TMEM208: variants seen among roughly 807,000 people sequenced by gnomAD.
The protein encoded by TMEM208 is transmembrane protein 208, also known as SRP-independent targeting 2 homolog.
Under a neutral mutation model 26.4 loss-of-function variants are expected in TMEM208, and 19 were observed. The observed-to-expected ratio is 0.72, with a 90% CI of 0.50 to 1.06. TMEM208 has a LOEUF of 1.06. Among genes scored for constraint, TMEM208 ranks in the 50% least tolerant of loss-of-function variants. The pLI is 0.00. For missense variants in TMEM208, 183 were observed against 219.8 expected (o/e 0.83, Z 1.06); for synonymous variants, 93 against 83.1 (o/e 1.12, Z -0.65).
At chr16:67,227,263 G>T (rs2034055949) in intron 1 of TMEM208, 39 bp downstream of exon 1, 4 of 1,605,396 alleles carry the variant, frequency 2.5e-6, no homozygotes, top group Non-Finnish European at 2.6e-6. Flanking sequence ...CACCAGCAAA[G>T]CTCTCCAGGG....
chr16:67,228,099 G>C, intron 2 of TMEM208, 168 bp downstream of exon 2: 2 of 657,160 alleles, frequency 3.0e-6, no homozygotes, highest in Non-Finnish European at 5.2e-6. Flanking sequence ...AAAACACAAA[G>C]AAAATGAAGG....
chr16:67,227,304 T>G, intron 1 of TMEM208, 80 bp downstream of exon 1: 8 of 1,561,018 alleles, frequency 5.1e-6, no homozygotes, highest in Non-Finnish European at 7.0e-6. Context: ...GAAAGAACAT[T>G]AAGGGATATG....
intron 2 of TMEM208, 193 bp from the exon 3 acceptor site, chr16:67,228,162 C>T: frequency 1.5e-6 from 1 of 685,130 alleles, no homozygotes; most frequent in Non-Finnish European, 2.5e-6. Context: ...TACACAAAGG[C>T]TTCTTTCCTG....
intron 1 of TMEM208, chr16:67,227,582 G>A: frequency 1.8e-6 from 1 of 555,640 alleles, no homozygotes; most frequent in Non-Finnish European, 3.2e-6. Flanking sequence ...GGGATCCAGA[G>A]GCGGTATTAG....
intron 1 of TMEM208, 117 bp from the exon 2 acceptor site, chr16:67,227,719 G>A (rs769862799): frequency 5.8e-5 from 45 of 779,082 alleles, no homozygotes; most frequent in Non-Finnish European, 8.6e-5. Flanking sequence ...ATTTTGCTAG[G>A]TTTCTGCACT....
At position 67,227,731 on chromosome 16, in the gene TMEM208, C is replaced by T. The variant is rs562295944; in HGVS notation, c.7-105C>T. ...GGGATTTTGCTAGGTTTCTGCACTA[C>T]GGGGACCTGGCTGAGTTGCGGATGG... is the stretch of plus-strand genomic sequence containing the variant. On this transcript the variant is annotated intron_variant, in intron 1 of 5. Coordinates refer to ENST00000304800, the MANE Select transcript of TMEM208 (RefSeq NM_014187.4). 12 of 883,356 alleles carry T rather than the reference C, an allele frequency of 1.4e-5. No homozygotes were observed. The Admixed American group carries it at 1.5e-4, about 11-fold the overall frequency. 54.7% of individuals were successfully genotyped at this position (883,356 alleles called of 1,614,324 possible).
In TMEM208 at chr16:67,227,854, A is replaced by G. The variant is rs2034082986; in HGVS notation, c.25A>G (p.Thr9Ala). Residue 9 changes from threonine to alanine, a missense_variant, in exon 2 of 6, where the codon ACG becomes GCG. Physicochemically the swap from Thr to Ala is moderately conservative, Grantham distance 58. Transcript: ENST00000304800. Reference protein sequence around the residue: MAPKGKVGTRGKKQIFEEN... With the variant: MAPKGKVGARGKKQIFEEN... ...TCTGCAGCCCAAGGGCAAAGTGGGC[A>G]CGAGAGGGAAGAAGCAGATATTTGA... 1 of 1,609,968 alleles carries G rather than the reference A, an allele frequency of 6.2e-7. No homozygotes were observed. The highest frequency in any genetic ancestry group is 1.3e-5 in the African/African-American group (1 of 74,874).
intron 4 of TMEM208, 70 bp downstream of exon 4, chr16:67,228,701 A>G: frequency 1.3e-6 from 2 of 1,544,540 alleles, no homozygotes; most frequent in Non-Finnish European, 1.7e-6. Context: ...CAAGAAGCAC[A>G]GCTACTTGTA....
chr16:67,229,251 G>A lies in TMEM208; in HGVS notation c.*138G>A, dbSNP rs1478529727. 3 of 873,828 alleles carry A rather than the reference G, an allele frequency of 3.4e-6. No homozygotes were observed. Among genetic ancestry groups the A allele is most frequent in the Non-Finnish European group, 5.2e-6 (3 of 581,512 alleles). 54.1% of individuals were successfully genotyped at this position (873,828 alleles called of 1,614,324 possible). ...TATTGGGTATACTTATACTCTATAG[G>A]GTCGTTGAATAAATGGCTTAGAATG... On this transcript the variant is annotated 3_prime_UTR_variant, in exon 6 of 6. Coordinates refer to ENST00000304800, the MANE Select transcript of TMEM208 (RefSeq NM_014187.4).
Position 67,227,908 on chromosome 16 carries a change from C to T in TMEM208, c.79C>T (p.Leu27=). ...GAACAGAGAGACTCTGAAGTTCTAC[C>T]TGCGGATCATACTGGGGGCCAATGT... ...EENRETLKFY[L]RIILGANAIY... Residue 27 remains leucine (L), a synonymous_variant, in exon 2 of 6, where the codon CTG becomes TTG. Transcript: ENST00000304800. The T allele has an allele frequency of 1.2e-6, 2 of 1,610,710 alleles. No homozygotes were observed. The highest frequency in any genetic ancestry group is 1.7e-6 in the Non-Finnish European group (2 of 1,178,402).
chr16:67,228,859 A>G lies in TMEM208; in HGVS notation c.362A>G (p.Tyr121Cys), dbSNP rs780524297. The change falls in exon 5 of 6, where the codon TAT becomes TGT. Residue 121 changes from tyrosine to cysteine, a missense_variant. Tyr to Cys is a radical substitution (Grantham distance 194). Coordinates refer to ENST00000304800, the MANE Select transcript of TMEM208 (RefSeq NM_014187.4). ...IVQVLSCFSLYVWSFWLLAPG... is the reference protein window; with the variant it reads ...IVQVLSCFSLCVWSFWLLAPG... ...CAGGTGCTCAGCTGCTTCTCTCTCT[A>G]TGTCTGGTCCTTCTGGCTTCTGGTA... The G allele has an allele frequency of 5.6e-6, 9 of 1,613,656 alleles. No homozygotes were observed. Among genetic ancestry groups the G allele is most frequent in the Admixed American group, 5.0e-5 (3 of 59,988 alleles).
At chr16:67,227,523 G>T (rs2034067294) in intron 1 of TMEM208, 1 of 559,036 alleles carries the variant, frequency 1.8e-6, no homozygotes, top group Non-Finnish European at 3.2e-6. Context: ...ATTCAACTCC[G>T]CTCAGGAGTA....
In TMEM208 at chr16:67,229,182, T is replaced by C. The variant is rs1597311539; in HGVS notation, c.*69T>C. On this transcript the variant is annotated 3_prime_UTR_variant, in exon 6 of 6. Coordinates refer to ENST00000304800, the MANE Select transcript of TMEM208 (RefSeq NM_014187.4). Reference sequence around the variant, plus strand: ...GTCAGGGTGCACAGCCCCTCATGCCTGGAGCAATGAGGGTCTAGTCCAGGG... The same window carrying C: ...GTCAGGGTGCACAGCCCCTCATGCCCGGAGCAATGAGGGTCTAGTCCAGGG... The C allele has an allele frequency of 3.4e-6, 5 of 1,487,790 alleles. No individual in the cohort carries two copies. Among genetic ancestry groups the C allele is most frequent in the Non-Finnish European group, 4.5e-6 (5 of 1,107,350 alleles). The allele number at this position is 1,487,790 out of a possible 1,614,324, so 92.2% of individuals were successfully genotyped here. A position where few individuals can be genotyped will look rare whatever the true frequency, so the allele number is the denominator to read the frequency against.
intron 2 of TMEM208, 21 bp downstream of exon 2, chr16:67,227,952 T>G: frequency 3.2e-6 from 5 of 1,578,376 alleles, no homozygotes; most frequent in Non-Finnish European, 4.3e-6. Context: ...ACCTCCTTGC[T>G]TCTATGCCCA....
At position 67,228,879 on chromosome 16, in the gene TMEM208, C is replaced by T; in HGVS notation, c.382C>T (p.Leu128=). Reference sequence around the variant, plus strand: ...TCTCTATGTCTGGTCCTTCTGGCTTCTGGTATGTGGGCTGGGGGCGCTCCC... The same window carrying T: ...TCTCTATGTCTGGTCCTTCTGGCTTTTGGTATGTGGGCTGGGGGCGCTCCC... The part of the protein sequence containing the change: ...FSLYVWSFWL[L]APGRALYLLW... The change falls in exon 5 of 6, where the codon CTG becomes TTG. Residue 128 remains leucine, a splice_region_variant and synonymous_variant. Coordinates refer to ENST00000304800, the MANE Select transcript of TMEM208 (RefSeq NM_014187.4). The T allele has an allele frequency of 6.2e-7, 1 of 1,613,970 alleles. No homozygotes were observed. Among genetic ancestry groups the T allele is most frequent in the South Asian group, 1.1e-5 (1 of 91,086 alleles).
At chr16:67,227,981 G>A (rs1406821627) in intron 2 of TMEM208, 50 bp downstream of exon 2, 1 of 1,465,098 alleles carries the variant, frequency 6.8e-7, no homozygotes, top group Non-Finnish European at 9.4e-7. Context: ...CAGTTCCCTA[G>A]TCCTCAGCCC....
intron 2 of TMEM208, 74 bp downstream of exon 2, chr16:67,228,005 G>A: frequency 1.6e-6 from 2 of 1,260,962 alleles, no homozygotes; most frequent in Non-Finnish European, 2.2e-6. Context: ...TTGGTGACGA[G>A]GAGTGGTACC....
chr16:67,227,852 G>C lies in TMEM208; in HGVS notation c.23G>C (p.Gly8Ala). ...CCTCTGCAGCCCAAGGGCAAAGTGG[G>C]CACGAGAGGGAAGAAGCAGATATTT... is the stretch of plus-strand genomic sequence containing the variant. MAPKGKV[G>A]TRGKKQIFEE... Residue 8 changes from glycine (G) to alanine (A), a missense_variant, in exon 2 of 6, where the codon GGC becomes GCC. Physicochemically the swap from Gly to Ala is moderately conservative, Grantham distance 60 (BLOSUM62 0). Coordinates refer to ENST00000304800, the MANE Select transcript of TMEM208 (RefSeq NM_014187.4). The C allele has an allele frequency of 6.2e-7, 1 of 1,609,518 alleles. No homozygotes were observed. Among genetic ancestry groups the C allele is most frequent in the Non-Finnish European group, 8.5e-7 (1 of 1,177,904 alleles).
At chr16:67,228,726 G>A in intron 4 of TMEM208, 71 bp from the exon 5 acceptor site, 2 of 1,561,938 alleles carry the variant, frequency 1.3e-6, no homozygotes, top group African/African-American at 1.4e-5. Context: ...GAAAAGGGTG[G>A]AAGGGAGTTG....
Sources: allele counts gnomAD v4.1 joint callset, GRCh38; gene constraint gnomAD v4.1.1; transcripts MANE v1.5; gene names NCBI Gene and HGNC (gene_info 2026-07-23, HGNC 2026-07-21).